The following CNTN2 variants were observed in gnomAD, a reference collection of about 807,000 sequenced individuals.
CNTN2 encodes the protein contactin-2.
Under a neutral mutation model 117.5 loss-of-function variants are expected in CNTN2, and 53 were observed. The observed-to-expected ratio is 0.45, with a 90% confidence interval of 0.36 to 0.57. The LOEUF is 0.57. Among genes scored for constraint, CNTN2 ranks in the 20% least tolerant of loss-of-function variants. The pLI is 0.00. For synonymous variants in CNTN2, 530 were observed against 561.7 expected, an observed-to-expected ratio of 0.94 and a Z score of 0.80; for missense variants, 1,106 against 1,404.3, an observed-to-expected ratio of 0.79 and a Z score of 3.39.
rs1654681238 is a variant in CNTN2 at position 205,073,146 on chromosome 1, G to A, written c.2923G>A (p.Glu975Lys). 6.2e-7 allele frequency: 1 copy of A among 1,614,182 alleles called. No homozygotes were observed. Among genetic ancestry groups the A allele is most frequent in the Non-Finnish European group, 8.5e-7 (1 of 1,180,016 alleles). ...GAACTGGATAGAAATCCCAGTGCCT[G>A]AAGACATTGGCCATGCCCTGGTACA... ...GKNWIEIPVPEDIGHALVQIR... is the reference protein window; with the variant it reads ...GKNWIEIPVPKDIGHALVQIR... The change falls in exon 22 of 23, where the codon GAA becomes AAA. Residue 975 changes from glutamate (E) to lysine (K), a missense_variant. Transcript: ENST00000331830. The surrounding 1 kb of genome is among the most constrained non-coding windows in gnomAD (Gnocchi z 6.3).
chr1:205,059,195 C>T lies in CNTN2; in HGVS notation c.599C>T (p.Ser200Leu). 3.7e-6 allele frequency: 6 copies of T among 1,614,250 alleles called. No homozygotes were observed. The highest frequency in any genetic ancestry group is 5.1e-6 in the Non-Finnish European group (6 of 1,180,040). Residue 200 changes from serine (S) to leucine (L), a missense_variant, in exon 6 of 23, where the codon TCA (serine) becomes TTA (leucine). Ser to Leu is a moderately radical substitution (Grantham distance 145). Coordinates refer to ENST00000331830, the MANE Select transcript of CNTN2 (RefSeq NM_005076.5). The surrounding 1 kb of genome is among the most constrained non-coding windows in gnomAD (Gnocchi z 5.6). ...CTGTACATTGCCCGAACCAATGCCTCAGACCTGGGCAACTACTCCTGTTTG... is the reference window on the plus strand; with the variant it reads ...CTGTACATTGCCCGAACCAATGCCTTAGACCTGGGCAACTACTCCTGTTTG... ...GNLYIARTNA[S>L]DLGNYSCLAT... is the part of the protein sequence containing the mutation.
chr1:205,046,290 C>T (rs751517690), intron 1 of CNTN2, among the ~76,000 whole-genome samples: 133 of 152,232 alleles, frequency 8.7e-4, no homozygotes, highest in Non-Finnish European at 1.7e-3. Flanking sequence ...CACACTCAGG[C>T]CCAAACGCAT....
At chr1:205,067,582 A>C (rs924840974) in intron 16 of CNTN2, 6 of 221,634 alleles carry the variant, frequency 2.7e-5, no homozygotes, top group Admixed American at 5.1e-5. Flanking sequence ...TGAACCCAGG[A>C]CCATGGGGTG....
In CNTN2 at chr1:205,073,614, G is replaced by C. The variant is rs1213704966; in HGVS notation, c.3014-42G>C. On this transcript the variant is annotated intron_variant, in intron 22 of 22. Transcript: ENST00000331830. The surrounding 1 kb of genome is among the most constrained non-coding windows in gnomAD (Gnocchi z 6.3). ...AATCTTGCCACAAGGGTGGGGCTAGGGTAGTCCCAGGCCCAGCTGACTCAG... is the reference window on the plus strand; with the variant it reads ...AATCTTGCCACAAGGGTGGGGCTAGCGTAGTCCCAGGCCCAGCTGACTCAG... The C allele has an allele frequency of 6.4e-7, 1 of 1,564,534 alleles. No individual in the cohort carries two copies.
At position 205,061,558 on chromosome 1, in the gene CNTN2, ACT is replaced by A; in HGVS notation, c.973+139_973+140del. On this transcript the variant is annotated intron_variant, in intron 8 of 22. Transcript: ENST00000331830. This position sits in a 1 kb window ranked among gnomAD's most constrained non-coding sequence, Gnocchi z 4.8. ...ATGAGCCTGCTTGCCCTAGGACTGC[ACT>A]GAGTCTGGGACCAGAGGAGGCTAGT... 2 of 1,077,256 alleles carry A rather than the reference ACT, an allele frequency of 1.9e-6. No individual in the cohort carries two copies. Among genetic ancestry groups the A allele is most frequent in the Non-Finnish European group, 2.6e-6 (2 of 770,920 alleles). 66.7% of individuals were successfully genotyped at this position (1,077,256 alleles called of 1,614,324 possible).
At chr1:205,068,478 T>A (rs1654420225) in intron 16 of CNTN2, 1 of 152,186 alleles carries the variant, frequency 6.6e-6, no homozygotes, top group South Asian at 2.1e-4. Flanking sequence ...CTTTGATTGA[T>A]CCTGAACTTC....
intron 2 of CNTN2, 53 bp downstream of exon 2, chr1:205,053,308 T>C (rs2096456071): frequency 1.4e-6 from 2 of 1,428,996 alleles, no homozygotes; most frequent in Admixed American, 3.8e-5. Context: ...TATAGTGTTA[T>C]ATCCTTGCTA....
At chr1:205,055,634 G>A (rs2096459771) in intron 2 of CNTN2, among the ~76,000 whole-genome samples, 1 of 152,282 alleles carries the variant, frequency 6.6e-6, no homozygotes, top group African/African-American at 2.4e-5. Flanking sequence ...GGCCTCTGGT[G>A]GTTCTGATGG....
rs534469087 is a variant in CNTN2 at position 205,043,321 on chromosome 1, C to A, written c.-160C>A. ...GGACAGCGGCCCAGACAGGGGCTGG[C>A]GGCCCGGCCGGCCCCGGCTCACCGA... On this transcript the variant is annotated 5_prime_UTR_variant, in exon 1 of 23. Transcript: ENST00000331830. 2.0e-5 allele frequency: 3 copies of A among 152,324 alleles called. No individual in the cohort carries two copies. Among genetic ancestry groups the A allele is most frequent in the Admixed American group, 6.5e-5 (1 of 15,286 alleles). 9.4% of individuals were successfully genotyped at this position (152,324 alleles called of 1,614,324 possible). A position where few individuals can be genotyped will look rare whatever the true frequency, so the allele number is the denominator to read the frequency against.
intron 2 of CNTN2, among the ~76,000 whole-genome samples, chr1:205,056,267 T>A (rs1653603199): frequency 6.6e-6 from 1 of 152,168 alleles, no homozygotes; most frequent in Non-Finnish European, 1.5e-5. Flanking sequence ...TCCGGCTGCC[T>A]CCCAGCGCCT....
chr1:205,053,190 G>T lies in CNTN2; in HGVS notation c.5G>T (p.Gly2Val). Residue 2 changes from glycine (G) to valine (V), a missense_variant, in exon 2 of 23, where the codon GGG becomes GTG. Gly to Val is a moderately radical substitution (Grantham distance 109). Transcript: ENST00000331830. M[G>V]TATRRKPHLL... is the part of the protein sequence containing the mutation. The stretch of plus-strand genomic sequence containing the variant: ...ACCTCTGCCCGGACATCCACCATGG[G>T]GACAGCCACCAGGAGGAAGCCACAC... The T allele has an allele frequency of 6.2e-7, 1 of 1,612,322 alleles. No individual in the cohort carries two copies. The highest frequency in any genetic ancestry group is 1.1e-5 in the South Asian group (1 of 90,764).
At chr1:205,046,167 A>G (rs2151180746) in intron 1 of CNTN2, among the ~76,000 whole-genome samples, 1 of 152,266 alleles carries the variant, frequency 6.6e-6, no homozygotes, top group Admixed American at 6.5e-5. Context: ...TCTTAGTTTG[A>G]TGATTCCTTG....
chr1:205,046,673 C>A (rs1347391307), intron 1 of CNTN2, among the ~76,000 whole-genome samples: 1 of 152,194 alleles, frequency 6.6e-6, no homozygotes, highest in African/African-American at 2.4e-5. Flanking sequence ...GGGGGACAAG[C>A]AGAAATTGCT....
In CNTN2 at chr1:205,059,849, C is replaced by T; in HGVS notation, c.797+167C>T. 1.6e-6 allele frequency: 1 copy of T among 610,660 alleles called. No homozygotes were observed. Among genetic ancestry groups the T allele is most frequent in the Non-Finnish European group, 2.9e-6 (1 of 341,264 alleles). 37.8% of individuals were successfully genotyped at this position (610,660 alleles called of 1,614,324 possible). A position where few individuals can be genotyped will look rare whatever the true frequency, so the allele number is the denominator to read the frequency against. ...GACCACCACTCACTGGACAGTACCTCTCTGGGTGAGGCATCGCATATGCCA... is the reference window on the plus strand; with the variant it reads ...GACCACCACTCACTGGACAGTACCTTTCTGGGTGAGGCATCGCATATGCCA... On this transcript the variant is annotated intron_variant, in intron 7 of 22. Transcript: ENST00000331830. The surrounding 1 kb of genome is among the most constrained non-coding windows in gnomAD (Gnocchi z 5.6).
In CNTN2 at chr1:205,076,223, T is replaced by A. The variant is rs1413314950; in HGVS notation, c.*2458T>A. The A allele has an allele frequency of 6.6e-6, 1 of 152,110 alleles. No individual in the cohort carries two copies. The highest frequency in any genetic ancestry group is 2.4e-5 in the African/African-American group (1 of 41,420). 9.4% of individuals were successfully genotyped at this position (152,110 alleles called of 1,614,324 possible). A position where few individuals can be genotyped will look rare whatever the true frequency, so the allele number is the denominator to read the frequency against. ...TAACCACTGGGCAGGCAGAATTTGT[T>A]TGAGGGATAGAACGACAACAAAATA... On this transcript the variant is annotated 3_prime_UTR_variant, in exon 23 of 23. Transcript: ENST00000331830.
chr1:205,050,709 C>T (rs1051490103), intron 1 of CNTN2, among the ~76,000 whole-genome samples: 7 of 152,112 alleles, frequency 4.6e-5, no homozygotes, highest in Non-Finnish European at 7.4e-5. Context: ...ACTTCCATCT[C>T]CCAAGTTCAA....
In CNTN2 at chr1:205,059,139, G is replaced by C. The variant is rs145237574; in HGVS notation, c.543G>C (p.Gly181=). The change falls in exon 6 of 23, where the codon GGG becomes GGC. Residue 181 remains glycine, a synonymous_variant. Transcript: ENST00000331830. This position sits in a 1 kb window ranked among gnomAD's most constrained non-coding sequence, Gnocchi z 5.6. ...TCCCCAACTTCATCCCGACGGACGGGCGTCACTTCGTGTCCCAGACCACAG... is the reference window on the plus strand; with the variant it reads ...TCCCCAACTTCATCCCGACGGACGGCCGTCACTTCGTGTCCCAGACCACAG... ...NEFPNFIPTD[G]RHFVSQTTGN... 9.9e-6 allele frequency: 16 copies of C among 1,614,066 alleles called. No individual in the cohort carries two copies. The African/African-American group carries it at 2.0e-4, about 20-fold the overall frequency.
Position 205,065,093 on chromosome 1 carries a change from C to G in CNTN2, c.1526C>G (p.Thr509Ser). ...STGILSVRDA[T>S]KITLAPSSAD... ...GCCTTGTTTTTCTTGGCAGATGCAACCAAAATCACTCTAGCCCCCTCAAGT... is the reference window on the plus strand; with the variant it reads ...GCCTTGTTTTTCTTGGCAGATGCAAGCAAAATCACTCTAGCCCCCTCAAGT... Residue 509 changes from threonine (T) to serine (S), a missense_variant, in exon 13 of 23, where the codon ACC becomes AGC. Coordinates refer to ENST00000331830, the MANE Select transcript of CNTN2 (RefSeq NM_005076.5). This position sits in a 1 kb window ranked among gnomAD's most constrained non-coding sequence, Gnocchi z 4.1. 6.2e-7 allele frequency: 1 copy of G among 1,613,920 alleles called. No individual in the cohort carries two copies. Among genetic ancestry groups the G allele is most frequent in the Non-Finnish European group, 8.5e-7 (1 of 1,179,958 alleles).
At chr1:205,049,812 G>T (rs904944088) in intron 1 of CNTN2, among the ~76,000 whole-genome samples, 20 of 152,208 alleles carry the variant, frequency 1.3e-4, no homozygotes, top group African/African-American at 4.8e-4. Context: ...GGAGCCCTTT[G>T]TTTAAAGGGA....
Sources: allele counts gnomAD v4.1 joint callset (sites outside exome capture counted in the v4.1 genomes callset), GRCh38; gene constraint gnomAD v4.1.1; non-coding constraint Gnocchi (gnomAD v3.1); transcripts MANE v1.5; gene names NCBI Gene and HGNC (gene_info 2026-07-23, HGNC 2026-07-21).